The following GPR158 variants were observed in gnomAD, a reference collection of about 807,000 sequenced individuals.
GPR158 encodes the protein metabotropic glycine receptor.
Under a neutral mutation model 78.2 loss-of-function variants are expected in GPR158, and 30 were observed. The ratio of observed to expected loss-of-function variants is 0.38; its 90% CI spans 0.29 to 0.52. GPR158 has a LOEUF of 0.52. Among genes scored for constraint, GPR158 ranks in the 20% least tolerant of loss-of-function variants. The pLI is 0.83. For missense variants in GPR158, 1,463 were observed against 1,523.5 expected (o/e 0.96, Z 0.66); for synonymous variants, 581 against 591.1 (o/e 0.98, Z 0.25).
At chr10:25,334,866 C>T (rs1855175710) in intron 2 of GPR158, among the ~76,000 whole-genome samples, 1 of 151,702 alleles carries the variant, frequency 6.6e-6, no homozygotes, top group Non-Finnish European at 1.5e-5. Flanking sequence ...TACTTGTTTC[C>T]ATGTCTTTTT....
rs1261734385 is a variant in GPR158, at chr10:25,600,500, G to T, written c.*1226G>T. The T allele has an allele frequency of 6.6e-6, 1 of 151,966 alleles. No homozygotes were observed. Among genetic ancestry groups the T allele is most frequent in the Non-Finnish European group, 1.5e-5 (1 of 67,982 alleles). The allele number at this position is 151,966 out of a possible 1,614,324, so 9.4% of individuals were successfully genotyped here. On this transcript the variant is annotated 3_prime_UTR_variant, in exon 11 of 11. Coordinates refer to ENST00000376351, the MANE Select transcript of GPR158 (RefSeq NM_020752.3). ...TTATTTTTTTAAAGAGAAAAATTATGGTAGCATCAAGATCATTGTATGGAT... is the reference window on the plus strand; with the variant it reads ...TTATTTTTTTAAAGAGAAAAATTATTGTAGCATCAAGATCATTGTATGGAT...
At chr10:25,379,386 G>C (rs1834124936) in intron 2 of GPR158, among the ~76,000 whole-genome samples, 1 of 152,030 alleles carries the variant, frequency 6.6e-6, no homozygotes, top group Non-Finnish European at 1.5e-5. Context: ...CCCAACCAAA[G>C]CTTGAGCTGT....
intron 4 of GPR158, among the ~76,000 whole-genome samples, chr10:25,436,094 C>G (rs1379017680): frequency 2.6e-5 from 4 of 152,102 alleles, no homozygotes; most frequent in Non-Finnish European, 4.4e-5. Flanking sequence ...CATCTTGAAA[C>G]TAGATTTAAA....
At chr10:25,399,726 T>C (rs1170136471) in intron 3 of GPR158, among the ~76,000 whole-genome samples, 1 of 152,240 alleles carries the variant, frequency 6.6e-6, no homozygotes, top group Admixed American at 6.5e-5. Context: ...ATATGAGCTC[T>C]GTAACTCACC....
intron 2 of GPR158, among the ~76,000 whole-genome samples, chr10:25,260,528 T>C (rs1853955010): frequency 6.6e-6 from 1 of 152,082 alleles, no homozygotes; most frequent in Non-Finnish European, 1.5e-5. Context: ...TTAACTTTTC[T>C]TCCAAAGAAT....
In GPR158 at chr10:25,444,961, C is replaced by T. The variant is rs148389087; in HGVS notation, c.1336-21690C>T. ...AGGTGGCCTAAAATCCATTAATATA[C>T]TTCATGTAGTTATATGAGGACTTAG... On this transcript the variant is annotated intron_variant, in intron 4 of 10. Coordinates refer to ENST00000376351, the MANE Select transcript of GPR158 (RefSeq NM_020752.3). Among the ~76,000 whole-genome samples the T allele has an allele frequency of 5.3e-3, 800 of 152,208 alleles. 11 individuals carry two copies. The highest frequency in any genetic ancestry group is 0.019 in the African/African-American group (773 of 41,516).
Position 25,448,375 on chromosome 10 carries a change from C to A in GPR158, c.1336-18276C>A, listed in dbSNP as rs183617949. Among the ~76,000 whole-genome samples the A allele has an allele frequency of 3.0e-3, 460 of 152,286 alleles. 1 individual carries two copies. Among genetic ancestry groups the A allele is most frequent in the Middle Eastern group, 0.014 (4 of 294 alleles). ...AAAGTGCTGGGATTACAGGCGTGAG[C>A]CACCACGGCTGGCCGTATCTGACTT... On this transcript the variant is annotated intron_variant, in intron 4 of 10. Coordinates refer to ENST00000376351, the MANE Select transcript of GPR158 (RefSeq NM_020752.3).
intron 4 of GPR158, among the ~76,000 whole-genome samples, chr10:25,448,595 G>T (rs1197988828): frequency 1.3e-5 from 2 of 152,162 alleles, no homozygotes; most frequent in South Asian, 2.1e-4. Flanking sequence ...GCTAGTCTGT[G>T]TTCAAATGTT....
At chr10:25,212,289 A>G (rs951483003) in intron 1 of GPR158, among the ~76,000 whole-genome samples, 1 of 152,150 alleles carries the variant, frequency 6.6e-6, no homozygotes, top group African/African-American at 2.4e-5. Context: ...CTCATGATGA[A>G]AGGCAAAGTG....
chr10:25,242,941 A>G (rs959340540), intron 2 of GPR158, among the ~76,000 whole-genome samples: 8 of 152,146 alleles, frequency 5.3e-5, no homozygotes, highest in African/African-American at 7.2e-5. Context: ...TCAGTTCCTG[A>G]CCATATCCCT....
intron 1 of GPR158, among the ~76,000 whole-genome samples, chr10:25,206,344 C>A (rs1208386172): frequency 6.6e-6 from 1 of 152,038 alleles, no homozygotes; most frequent in African/African-American, 2.4e-5. Flanking sequence ...AATATAAGAA[C>A]AACCCATTTA....
At chr10:25,574,713 C>T (rs889623310) in intron 7 of GPR158, among the ~76,000 whole-genome samples, 2 of 151,984 alleles carry the variant, frequency 1.3e-5, no homozygotes, top group Non-Finnish European at 2.9e-5. Context: ...GGTGAAACAC[C>T]GTCTCTACTA....
At chr10:25,253,712 T>A (rs1853848291) in intron 2 of GPR158, among the ~76,000 whole-genome samples, 2 of 152,164 alleles carry the variant, frequency 1.3e-5, no homozygotes, top group South Asian at 4.1e-4. Flanking sequence ...ATATCACACT[T>A]TGATAGTTTC....
intron 2 of GPR158, among the ~76,000 whole-genome samples, chr10:25,266,290 A>G (rs1301335414): frequency 2.0e-5 from 3 of 152,154 alleles, no homozygotes; most frequent in African/African-American, 7.2e-5. Context: ...TCACTTCATG[A>G]GGGTAGTCCT....
intron 5 of GPR158, among the ~76,000 whole-genome samples, chr10:25,492,815 G>T (rs1277026843): frequency 3.3e-5 from 5 of 150,448 alleles, no homozygotes; most frequent in African/African-American, 4.9e-5. Flanking sequence ...AATAAAAAAT[G>T]ATCTTTTTCT....
intron 4 of GPR158, among the ~76,000 whole-genome samples, chr10:25,454,729 T>C (rs899559440): frequency 6.6e-6 from 1 of 152,230 alleles, no homozygotes; most frequent in African/African-American, 2.4e-5. Flanking sequence ...AAACCAAATA[T>C]AAACAGATAG....
chr10:25,373,690 A>G, intron 2 of GPR158, among the ~76,000 whole-genome samples: 1 of 151,866 alleles, frequency 6.6e-6, no homozygotes, highest in East Asian at 1.9e-4. Flanking sequence ...ACCCAAGGTA[A>G]TATAGAAGTA....
rs143321249 is a variant in GPR158 at position 25,496,946 on chromosome 10, G to C, written c.1404+30227G>C. 8.5e-5 allele frequency among the ~76,000 whole-genome samples: 13 copies of C among 152,306 alleles called. No individual in the cohort carries two copies. The East Asian group carries it at 2.5e-3, about 29-fold the overall frequency. On this transcript the variant is annotated intron_variant, in intron 5 of 10. Coordinates refer to ENST00000376351, the MANE Select transcript of GPR158 (RefSeq NM_020752.3). ...TAGCAGTGGGAACTTAGGAGAAAGAGAGAATCCTGTGGACTGCAGAGGTCA... is the reference window on the plus strand; with the variant it reads ...TAGCAGTGGGAACTTAGGAGAAAGACAGAATCCTGTGGACTGCAGAGGTCA...
At position 25,555,221 on chromosome 10, in the gene GPR158, A is replaced by C. The variant is rs150219070; in HGVS notation, c.1514+4136A>C. On this transcript the variant is annotated intron_variant, in intron 6 of 10. Coordinates refer to ENST00000376351, the MANE Select transcript of GPR158 (RefSeq NM_020752.3). ...GCGATGTGGGCTCTTTTTTGGTTCCATATGAACTTTAAAGCAGTTTTTCTC... is the reference window on the plus strand; with the variant it reads ...GCGATGTGGGCTCTTTTTTGGTTCCCTATGAACTTTAAAGCAGTTTTTCTC... 3.2e-4 allele frequency among the ~76,000 whole-genome samples: 48 copies of C among 152,270 alleles called. 2 individuals are homozygous for C. Among genetic ancestry groups the C allele is most frequent in the African/African-American group, 1.1e-3 (47 of 41,554 alleles).
Sources: allele counts gnomAD v4.1 joint callset (sites outside exome capture counted in the v4.1 genomes callset), GRCh38; gene constraint gnomAD v4.1.1; transcripts MANE v1.5; gene names NCBI Gene and HGNC (gene_info 2026-07-23, HGNC 2026-07-21).